Variants in TMED10 observed in about 807,000 individuals in gnomAD.
TMED10 encodes transmembrane emp24 domain-containing protein 10.
TMED10 carries 7 observed loss-of-function variants against 23.1 expected under a neutral mutation model. The observed-to-expected ratio is 0.30, with a 90% confidence interval of 0.17 to 0.57. The LOEUF is 0.57. TMED10 is among the 20% of genes least tolerant of loss of function. TMED10 has a pLI of 0.91. For missense variants in TMED10, 162 were observed against 274.8 expected, an observed-to-expected ratio of 0.59 and a Z score of 2.90; for synonymous variants, 113 against 106.9, an observed-to-expected ratio of 1.06 and a Z score of -0.35.
intron 1 of TMED10, among the ~76,000 whole-genome samples, chr14:75,167,242 A>G (rs974708391): frequency 6.6e-6 from 1 of 152,016 alleles, no homozygotes; most frequent in Admixed American, 6.5e-5. Context: ...GCCCAGCCGA[A>G]GCATCCTATT....
chr14:75,142,860 C>CT (rs1229033256), intron 3 of TMED10, among the ~76,000 whole-genome samples: 3 of 151,816 alleles, frequency 2.0e-5, no homozygotes, highest in Admixed American at 2.0e-4. Context: ...TTTTTTCTTT[C>CT]TTTTTTTTAT....
intron 3 of TMED10, among the ~76,000 whole-genome samples, chr14:75,145,155 GA>G (rs1425173649): frequency 6.6e-6 from 1 of 152,206 alleles, no homozygotes; most frequent in Non-Finnish European, 1.5e-5. Context: ...TTAAGAAGCA[GA>G]ACCTTGGAGC....
chr14:75,138,937 A>G, intron 3 of TMED10: 1 of 240,774 alleles, frequency 4.2e-6, no homozygotes. Context: ...TGTAGATTAC[A>G]GCCCCCCACA....
chr14:75,159,390 G>A (rs1331264575), intron 1 of TMED10, among the ~76,000 whole-genome samples: 5 of 152,200 alleles, frequency 3.3e-5, no homozygotes, highest in Admixed American at 1.3e-4. Context: ...TAAGCATCAA[G>A]GTGAAAGTAC....
chr14:75,150,870 T>A (rs1895947192), intron 2 of TMED10, among the ~76,000 whole-genome samples: 1 of 152,166 alleles, frequency 6.6e-6, no homozygotes, highest in South Asian at 2.1e-4. Context: ...CCCTTCATAA[T>A]TTTTCTCTCT....
intron 1 of TMED10, among the ~76,000 whole-genome samples, chr14:75,170,437 T>TAGACATATACA (rs1264376500): frequency 2.6e-5 from 4 of 152,166 alleles, no homozygotes; most frequent in African/African-American, 4.8e-5. Context: ...GGTCAGAGGA[T>TAGACATATACA]AGACATATAC....
intron 1 of TMED10, among the ~76,000 whole-genome samples, chr14:75,158,544 T>C (rs1594871405): frequency 6.6e-6 from 1 of 151,932 alleles, no homozygotes; most frequent in Non-Finnish European, 1.5e-5. Context: ...CCCAGGCTGG[T>C]CTCGAACTCT....
At chr14:75,161,579 A>G (rs1483991815) in intron 1 of TMED10, among the ~76,000 whole-genome samples, 1 of 152,160 alleles carries the variant, frequency 6.6e-6, no homozygotes, top group Non-Finnish European at 1.5e-5. Flanking sequence ...CAGACTCTTC[A>G]TTTTCAACCA....
chr14:75,158,119 G>C (rs1465528085), intron 1 of TMED10, among the ~76,000 whole-genome samples: 1 of 152,166 alleles, frequency 6.6e-6, no homozygotes, highest in Non-Finnish European at 1.5e-5. Flanking sequence ...AATCAGAGTT[G>C]AGAGTCCTCT....
chr14:75,138,836 TTTG>T (rs1472122187), intron 3 of TMED10, among the ~76,000 whole-genome samples: 4 of 145,302 alleles, frequency 2.8e-5, no homozygotes, highest in South Asian at 2.1e-4. Context: ...TTTTTTTATT[TTTG>T]TTGTTGTTGT....
chr14:75,165,196 T>C (rs1424683063), intron 1 of TMED10, among the ~76,000 whole-genome samples: 2 of 152,186 alleles, frequency 1.3e-5, no homozygotes, highest in African/African-American at 2.4e-5. Context: ...GCTATGGCTT[T>C]AGATAGAAAA....
intron 1 of TMED10, among the ~76,000 whole-genome samples, chr14:75,158,810 G>A (rs1326576136): frequency 6.6e-6 from 1 of 152,116 alleles, no homozygotes; most frequent in Non-Finnish European, 1.5e-5. Context: ...TGTAATCCCA[G>A]CTACTGAGGA....
chr14:75,163,605 T>G (rs1402447463), intron 1 of TMED10, among the ~76,000 whole-genome samples: 2 of 151,326 alleles, frequency 1.3e-5, no homozygotes, highest in Non-Finnish European at 2.9e-5. Flanking sequence ...GCTAGCCTTT[T>G]CTCTCTCTGA....
chr14:75,154,345 T>C (rs997100070), intron 1 of TMED10, among the ~76,000 whole-genome samples: 4 of 119,872 alleles, frequency 3.3e-5, no homozygotes, highest in African/African-American at 1.3e-4. Context: ...GAAGTTGCGG[T>C]GAGCCGAGAC....
rs569125799 is a variant in TMED10, at chr14:75,133,988, C to A, written c.*897G>T. The A allele has an allele frequency of 4.3e-6, 1 of 230,074 alleles. No individual in the cohort carries two copies. Among genetic ancestry groups the A allele is most frequent in the East Asian group, 1.6e-4 (1 of 6,062 alleles). 14.3% of individuals were successfully genotyped at this position (230,074 alleles called of 1,614,324 possible). ...GGAATTATGCTGAATGAAAAAAGAT[C>A]AGCCTCGTAAGATTACATTCTGTAT... is the stretch of plus-strand genomic sequence containing the variant. On this transcript the variant is annotated 3_prime_UTR_variant, in exon 5 of 5. Transcript: ENST00000303575.
intron 3 of TMED10, among the ~76,000 whole-genome samples, chr14:75,141,451 C>T (rs1895821654): frequency 1.3e-5 from 2 of 151,946 alleles, no homozygotes; most frequent in African/African-American, 4.8e-5. Context: ...TAGGCTGAGA[C>T]TAAATTAGGG....
chr14:75,172,629 C>T (rs1292390158), intron 1 of TMED10, among the ~76,000 whole-genome samples: 3 of 151,942 alleles, frequency 2.0e-5, no homozygotes, highest in Admixed American at 6.6e-5. Flanking sequence ...TTTTGTGAGG[C>T]GTGATTAGCC....
At chr14:75,176,110 C>G in intron 1 of TMED10, 1 of 569,410 alleles carries the variant, frequency 1.8e-6, no homozygotes, top group East Asian at 3.0e-5. Context: ...CGCCCCAGCT[C>G]AGGTGTCACC....
At chr14:75,170,570 G>A (rs770254811) in intron 1 of TMED10, among the ~76,000 whole-genome samples, 19 of 152,048 alleles carry the variant, frequency 1.2e-4, no homozygotes, top group Non-Finnish European at 1.9e-4. Context: ...TGGGCATAAA[G>A]AATGGAAACA....
Sources: allele counts gnomAD v4.1 joint callset (sites outside exome capture counted in the v4.1 genomes callset), GRCh38; gene constraint gnomAD v4.1.1; transcripts MANE v1.5; gene names NCBI Gene and HGNC (gene_info 2026-07-23, HGNC 2026-07-21).